KIAA1217: variants seen among roughly 807,000 people sequenced by gnomAD.
KIAA1217 encodes KIAA1217.
Under a neutral mutation model 163.9 loss-of-function variants are expected in KIAA1217, and 88 were observed. The ratio of observed to expected loss-of-function variants is 0.54; its 90% CI spans 0.45 to 0.64. The LOEUF (loss-of-function observed/expected upper bound fraction) is 0.64, where lower values mean the gene tolerates loss of function less well. KIAA1217 is among the 30% of genes least tolerant of loss of function. The probability of loss-of-function intolerance (pLI) is 0.00; values close to 1 mark genes in which losing one functional copy is unlikely to be tolerated. For synonymous variants in KIAA1217, 903 were observed against 923.1 expected, an observed-to-expected ratio of 0.98 and a Z score of 0.39; for missense variants, 2,372 against 2,475.0, an observed-to-expected ratio of 0.96 and a Z score of 0.88.
intron 2 of KIAA1217, among the ~76,000 whole-genome samples, chr10:24,185,821 G>A (rs916467178): frequency 1.3e-5 from 2 of 151,686 alleles, no homozygotes. Context: ...AAAACTTAGC[G>A]GAATGTGGTG....
At chr10:24,256,473 T>A (rs2131616015) in intron 2 of KIAA1217, among the ~76,000 whole-genome samples, 1 of 152,308 alleles carries the variant, frequency 6.6e-6, no homozygotes, top group East Asian at 1.9e-4. Context: ...AGGCTTGCTA[T>A]CTGATGCCTC....
rs192697825 is a variant in KIAA1217 at position 24,042,147 on chromosome 10, C to G, written c.-171+34773C>G. On this transcript the variant is annotated intron_variant, in intron 2 of 18. Transcript: ENST00000376462. ...AAGGGGCAGCCCAGCACTTTCCGTC[C>G]AGCTGCACTTCATACTGTAACTGTG... The G allele has an allele frequency of 2.5e-3, 379 of 152,274 alleles. 1 individual carries two copies. The highest frequency in any genetic ancestry group is 7.1e-3 in the South Asian group (34 of 4,822). 9.4% of individuals were successfully genotyped at this position (152,274 alleles called of 1,614,324 possible). A position where few individuals can be genotyped will look rare whatever the true frequency, so the allele number is the denominator to read the frequency against.
chr10:24,073,021 T>C (rs1039186321), intron 2 of KIAA1217, among the ~76,000 whole-genome samples: 1 of 146,890 alleles, frequency 6.8e-6, no homozygotes, highest in African/African-American at 2.5e-5. Flanking sequence ...ATCACGCCAC[T>C]GCACTCCAGC....
At chr10:24,520,643 A>ATAT (rs1554926707) in intron 11 of KIAA1217, among the ~76,000 whole-genome samples, 85 of 88,108 alleles carry the variant, frequency 9.6e-4, no homozygotes, top group African/African-American at 4.5e-3. Flanking sequence ...AAAAAAAAAA[A>ATAT]AAAAAAAAAT....
chr10:24,116,284 A>C lies in KIAA1217; in HGVS notation c.-170-103342A>C, dbSNP rs571259738. 3.4e-4 allele frequency among the ~76,000 whole-genome samples: 52 copies of C among 152,192 alleles called. No individual in the cohort carries two copies. In the Middle Eastern group the frequency reaches 0.024, roughly 70 times the overall value. ...CCTCTGACTGCACAGCTCAGAAAAA[A>C]AAGGCCAAAATATTCAGGAGTTATC... On this transcript the variant is annotated intron_variant, in intron 2 of 18. Coordinates refer to the KIAA1217 transcript ENST00000376462.
intron 1 of KIAA1217, among the ~76,000 whole-genome samples, chr10:23,847,966 C>T (rs1039193581): frequency 5.3e-5 from 8 of 152,042 alleles, no homozygotes; most frequent in African/African-American, 1.4e-4. Flanking sequence ...GCCTTCAGTT[C>T]GTTATGTACC....
chr10:23,870,437 A>C (rs1055790857), intron 1 of KIAA1217, among the ~76,000 whole-genome samples: 1 of 152,058 alleles, frequency 6.6e-6, no homozygotes, highest in Non-Finnish European at 1.5e-5. Flanking sequence ...GTCAAGCCAT[A>C]ATCAGTCCCC....
At chr10:23,780,970 C>T (rs1019203353) in intron 1 of KIAA1217, among the ~76,000 whole-genome samples, 1 of 152,258 alleles carries the variant, frequency 6.6e-6, no homozygotes, top group South Asian at 2.1e-4. Flanking sequence ...CGTGAGCCAC[C>T]ACACCTGGAC....
intron 2 of KIAA1217, among the ~76,000 whole-genome samples, chr10:24,086,343 T>C (rs940882298): frequency 1.3e-5 from 2 of 152,228 alleles, no homozygotes; most frequent in Non-Finnish European, 2.9e-5. Context: ...GTTTTGAGAG[T>C]ACAGACACTC....
At chr10:24,221,517 G>A (rs376257530) in intron 2 of KIAA1217, among the ~76,000 whole-genome samples, 8 of 152,238 alleles carry the variant, frequency 5.3e-5, no homozygotes, top group South Asian at 4.2e-4. Context: ...GCATCAGCCC[G>A]AATAATTGAA....
chr10:23,987,668 C>A (rs1446480060), intron 1 of KIAA1217, among the ~76,000 whole-genome samples: 1 of 151,816 alleles, frequency 6.6e-6, no homozygotes, highest in Non-Finnish European at 1.5e-5. Context: ...AAAATCTACT[C>A]TCTTAGCAAT....
At chr10:24,425,793 A>G (rs896725258) in intron 3 of KIAA1217, among the ~76,000 whole-genome samples, 6 of 152,196 alleles carry the variant, frequency 3.9e-5, no homozygotes, top group Non-Finnish European at 8.8e-5. Context: ...GGCTTTTGAT[A>G]CATTGACAAA....
intron 2 of KIAA1217, among the ~76,000 whole-genome samples, chr10:24,290,599 ATG>A (rs2078993247): frequency 6.6e-6 from 1 of 151,082 alleles, no homozygotes; most frequent in Non-Finnish European, 1.5e-5. Flanking sequence ...ATATAAACAG[ATG>A]TCTCTCTTTT....
In KIAA1217 at chr10:24,443,046, G is replaced by A. The variant is rs143810656; in HGVS notation, c.846+4567G>A. Among the ~76,000 whole-genome samples, 601 of 151,920 alleles carry A rather than the reference G, an allele frequency of 4.0e-3. 1 individual carries two copies. The highest frequency in any genetic ancestry group is 7.1e-3 in the Non-Finnish European group (481 of 67,982). Reference sequence around the variant, plus strand: ...CCACCTCAGCCTACTGAGTAGCTGGGATTACAGGCATGCACCACTATACCT... The same window carrying A: ...CCACCTCAGCCTACTGAGTAGCTGGAATTACAGGCATGCACCACTATACCT... On this transcript the variant is annotated intron_variant, in intron 5 of 20. Coordinates refer to ENST00000376454, the MANE Select transcript of KIAA1217 (RefSeq NM_019590.5).
rs1411610863 is a variant in KIAA1217, at chr10:23,695,743, G to A, written c.-321+509G>A. Among the ~76,000 whole-genome samples, 1 of 152,194 alleles carries A rather than the reference G, an allele frequency of 6.6e-6. No individual in the cohort carries two copies. Among genetic ancestry groups the A allele is most frequent in the African/African-American group, 2.4e-5 (1 of 41,462 alleles). ...GGGTGGGGACACTGGGGAGTTTGGA[G>A]CTGGGGGTTCGGAGTGGGAGGTTTG... On this transcript the variant is annotated intron_variant, in intron 1 of 18. Transcript: ENST00000376462. This position sits in a 1 kb window ranked among gnomAD's most constrained non-coding sequence, Gnocchi z 4.9.
intron 2 of KIAA1217, among the ~76,000 whole-genome samples, chr10:24,135,161 C>A (rs989557273): frequency 1.3e-5 from 2 of 152,150 alleles, no homozygotes; most frequent in African/African-American, 4.8e-5. Context: ...ATAAAACAAT[C>A]CACACACTCC....
intron 1 of KIAA1217, among the ~76,000 whole-genome samples, chr10:24,212,240 G>A (rs1387038097): frequency 6.6e-6 from 1 of 152,204 alleles, no homozygotes; most frequent in Non-Finnish European, 1.5e-5. Flanking sequence ...TTTGGTGTAA[G>A]CTGCTGGGAG....
intron 3 of KIAA1217, among the ~76,000 whole-genome samples, chr10:24,411,491 A>G (rs1023676307): frequency 1.3e-5 from 2 of 152,160 alleles, no homozygotes; most frequent in Non-Finnish European, 2.9e-5. Context: ...TTATTTTACA[A>G]TTGTGATTTT....
At chr10:24,046,566 AAGAG>A (rs1361092382) in intron 2 of KIAA1217, among the ~76,000 whole-genome samples, 1 of 152,166 alleles carries the variant, frequency 6.6e-6, no homozygotes, top group Non-Finnish European at 1.5e-5. Context: ...GCAGGAGAAA[AAGAG>A]AGAGCGAAGG....
Sources: allele counts gnomAD v4.1 joint callset (sites outside exome capture counted in the v4.1 genomes callset), GRCh38; gene constraint gnomAD v4.1.1; non-coding constraint Gnocchi (gnomAD v3.1); transcripts MANE v1.5; gene names NCBI Gene and HGNC (gene_info 2026-07-23, HGNC 2026-07-21).